TMPRSS15: variants seen among roughly 807,000 people sequenced by gnomAD.
TMPRSS15 encodes transmembrane serine protease 15.
Under a neutral mutation model 125.3 loss-of-function variants are expected in TMPRSS15, and 128 were observed. The ratio of observed to expected loss-of-function variants is 1.02; its 90% confidence interval spans 0.89 to 1.18. TMPRSS15 has a LOEUF of 1.18. Ranked by LOEUF, TMPRSS15 falls within the 50% of genes most tolerant of loss-of-function variation. The probability of loss-of-function intolerance (pLI) is 0.00; values close to 1 mark genes in which losing one functional copy is unlikely to be tolerated. For synonymous variants in TMPRSS15, 446 were observed against 423.2 expected, an observed-to-expected ratio of 1.05 and a Z score of -0.66; for missense variants, 1,283 against 1,212.7, an observed-to-expected ratio of 1.06 and a Z score of -0.86.
chr21:18,328,536 A>T (rs1601341112), intron 15 of TMPRSS15, among the ~76,000 whole-genome samples: 1 of 152,290 alleles, frequency 6.6e-6, no homozygotes, highest in East Asian at 1.9e-4. Flanking sequence ...AATTAATACC[A>T]GCTGGTAGGA....
chr21:18,385,944 C>A (rs964575154), intron 3 of TMPRSS15, among the ~76,000 whole-genome samples: 32 of 152,034 alleles, frequency 2.1e-4, no homozygotes, highest in African/African-American at 7.0e-4. Flanking sequence ...GGGGTTTCAC[C>A]ATGTTGGCCA....
chr21:18,347,017 T>C (rs1035022802), intron 10 of TMPRSS15, among the ~76,000 whole-genome samples: 2 of 152,214 alleles, frequency 1.3e-5, no homozygotes, highest in Non-Finnish European at 2.9e-5. Context: ...TCCAAACACC[T>C]AGAAATTTTT....
At chr21:18,410,077 T>C (rs1008834650) in intron 1 of TMPRSS15, among the ~76,000 whole-genome samples, 1 of 151,608 alleles carries the variant, frequency 6.6e-6, no homozygotes, top group Non-Finnish European at 1.5e-5. Flanking sequence ...CCTTACATTT[T>C]TATGAGCTAC....
chr21:18,366,386 C>T (rs1174714385), intron 6 of TMPRSS15, among the ~76,000 whole-genome samples: 1 of 152,122 alleles, frequency 6.6e-6, no homozygotes, highest in Non-Finnish European at 1.5e-5. Context: ...TTCAATACTC[C>T]TGATTAAGCC....
rs2075914326 is a variant in TMPRSS15 at position 18,383,656 on chromosome 21, T to A, written c.467A>T (p.His156Leu). ...ANKSSQLVTF[H>L]IDLNSVDILD... is the part of the protein sequence containing the mutation. ...GATATCAACGCTGTTCAAATCAATA[T>A]GGAAAGTGACCAGTTGGCTGGATTT... The change falls in exon 4 of 25, where the codon CAT (histidine) becomes CTT (leucine). Residue 156 changes from histidine (H) to leucine (L), a missense_variant. Transcript: ENST00000284885. The A allele has an allele frequency of 6.2e-7, 1 of 1,613,858 alleles. No individual in the cohort carries two copies. The highest frequency in any genetic ancestry group is 1.3e-5 in the African/African-American group (1 of 74,926).
intron 1 of TMPRSS15, among the ~76,000 whole-genome samples, chr21:18,420,266 T>C (rs2076189486): frequency 6.6e-6 from 1 of 152,218 alleles, no homozygotes; most frequent in Non-Finnish European, 1.5e-5. Context: ...CCTTTGAGTC[T>C]GTGATTCGAG....
chr21:18,354,781 A>G (rs913574758), intron 8 of TMPRSS15, among the ~76,000 whole-genome samples: 2 of 151,804 alleles, frequency 1.3e-5, no homozygotes, highest in Non-Finnish European at 2.9e-5. Flanking sequence ...CAAACAATGC[A>G]TTAGCATTTT....
intron 24 of TMPRSS15, among the ~76,000 whole-genome samples, chr21:18,271,514 G>A (rs1377806368): frequency 6.6e-6 from 1 of 152,160 alleles, no homozygotes; most frequent in Non-Finnish European, 1.5e-5. Flanking sequence ...GGAGACCTCA[G>A]TCTGTTTCCA....
At chr21:18,306,765 A>G (rs1397669895) in intron 18 of TMPRSS15, among the ~76,000 whole-genome samples, 1 of 152,156 alleles carries the variant, frequency 6.6e-6, no homozygotes, top group East Asian at 1.9e-4. Context: ...AGGAAATACC[A>G]TTAAAAAAAC....
chr21:18,445,969 A>C (rs1476883729), intron 1 of TMPRSS15, among the ~76,000 whole-genome samples: 1 of 152,244 alleles, frequency 6.6e-6, no homozygotes, highest in Admixed American at 6.5e-5. Context: ...GCCATCAGGC[A>C]AGAGAAAGAA....
chr21:18,305,861 T>C (rs907293120), intron 18 of TMPRSS15, among the ~76,000 whole-genome samples: 17 of 152,218 alleles, frequency 1.1e-4, no homozygotes, highest in African/African-American at 3.9e-4. Flanking sequence ...AATTTTAAAA[T>C]GGAGAAAACA....
chr21:18,463,272 A>C (rs1158949110), intron 1 of TMPRSS15, among the ~76,000 whole-genome samples: 1 of 143,600 alleles, frequency 7.0e-6, no homozygotes, highest in Non-Finnish European at 1.5e-5. Context: ...AAAAAAAAAA[A>C]AAAAAGCCGG....
At chr21:18,306,473 G>A (rs1377601125) in intron 18 of TMPRSS15, among the ~76,000 whole-genome samples, 1 of 152,122 alleles carries the variant, frequency 6.6e-6, no homozygotes, top group Non-Finnish European at 1.5e-5. Flanking sequence ...GGGTAATTCT[G>A]TTTCTTATTA....
chr21:18,399,635 T>G (rs1025624023), intron 1 of TMPRSS15, among the ~76,000 whole-genome samples: 1 of 152,118 alleles, frequency 6.6e-6, no homozygotes, highest in African/African-American at 2.4e-5. Flanking sequence ...GAATAAAGTA[T>G]GTGGTTCAGT....
intron 6 of TMPRSS15, among the ~76,000 whole-genome samples, chr21:18,368,569 C>G (rs2075761642): frequency 6.6e-6 from 1 of 152,176 alleles, no homozygotes; most frequent in Non-Finnish European, 1.5e-5. Flanking sequence ...ATGCCTAGAG[C>G]ACAACCCTTT....
In TMPRSS15 at chr21:18,372,261, T is replaced by C; in HGVS notation, c.596A>G (p.Lys199Arg). ...SPCTDALTCI[K>R]ADLFCDGEVN... ...TTCTCCATCACAAAATAAATCAGCTTTTATACACGTTAGAGCATCAGTACA... is the reference window on the plus strand; with the variant it reads ...TTCTCCATCACAAAATAAATCAGCTCTTATACACGTTAGAGCATCAGTACA... Residue 199 changes from lysine (K) to arginine (R), a missense_variant, in exon 6 of 25, where the codon AAA becomes AGA. Physicochemically the swap from Lys to Arg is conservative, Grantham distance 26. Transcript: ENST00000284885. The C allele has an allele frequency of 6.2e-7, 1 of 1,613,316 alleles. No individual in the cohort carries two copies. The highest frequency in any genetic ancestry group is 1.7e-5 in the Admixed American group (1 of 59,956).
chr21:18,432,628 G>A (rs1458973268), intron 1 of TMPRSS15, among the ~76,000 whole-genome samples: 3 of 152,128 alleles, frequency 2.0e-5, no homozygotes, highest in Admixed American at 6.6e-5. Context: ...GCTTCCATAC[G>A]CTAAAGAAAG....
chr21:18,472,998 T>C lies in TMPRSS15; in HGVS notation c.10+12801A>G, dbSNP rs1447659416. On this transcript the variant is annotated intron_variant, in intron 1 of 7. Transcript: ENST00000422787. The stretch of plus-strand genomic sequence containing the variant: ...ATTGTTTGTATCCAGATGAATTCCA[T>C]TAGAATCACTTTAAAGGACTAGGAT... Among the ~76,000 whole-genome samples, 3 of 152,202 alleles carry C rather than the reference T, an allele frequency of 2.0e-5. No homozygotes were observed. In the South Asian group the frequency reaches 6.2e-4, roughly 32 times the overall value.
chr21:18,447,225 C>CATG (rs1569070792), intron 1 of TMPRSS15, among the ~76,000 whole-genome samples: 5 of 151,820 alleles, frequency 3.3e-5, no homozygotes. Context: ...GCAGGTGGAT[C>CATG]ATGAGGTCAG....
Sources: gnomAD v4.1 joint callset for allele counts (sites outside exome capture counted in the v4.1 genomes callset) on GRCh38, gnomAD v4.1.1 for gene constraint, MANE v1.5 for transcripts, NCBI Gene and HGNC (gene_info 2026-07-23, HGNC 2026-07-21) for gene names.